The following ANGEL1 variants were observed in gnomAD, a reference collection of about 807,000 sequenced individuals.
The protein encoded by ANGEL1 is RNA 2',3'-cyclic phosphatase ANGEL1.
Under a neutral mutation model 76.4 loss-of-function variants are expected in ANGEL1, and 62 were observed. That is an observed-to-expected ratio of 0.81 (90% confidence interval 0.66 to 1.00). ANGEL1 has a LOEUF of 1.00. ANGEL1 is among the 50% of genes least tolerant of loss of function. The pLI is 0.00. For synonymous variants in ANGEL1, 340 were observed against 331.7 expected (o/e 1.03, Z -0.27); for missense variants, 737 against 836.7 (o/e 0.88, Z 1.47).
Position 76,789,055 on chromosome 14 carries a change from A to G in ANGEL1, c.*173T>C. On this transcript the variant is annotated 3_prime_UTR_variant, in exon 10 of 10. Transcript: ENST00000251089. ...GGGGTGGGGCAAGGACCACAGGCAGAGAACGCAGCCAGGCCTGGAGAAAGT... is the reference window on the plus strand; with the variant it reads ...GGGGTGGGGCAAGGACCACAGGCAGGGAACGCAGCCAGGCCTGGAGAAAGT... 1 of 862,982 alleles carries G rather than the reference A, an allele frequency of 1.2e-6. No homozygotes were observed. The highest frequency in any genetic ancestry group is 1.8e-6 in the Non-Finnish European group (1 of 562,452). The allele number at this position is 862,982 out of a possible 1,614,324, so 53.5% of individuals were successfully genotyped here.
intron 5 of ANGEL1, chr14:76,804,248 CT>C (rs1344861877): frequency 5.9e-6 from 8 of 1,365,564 alleles, no homozygotes; most frequent in Non-Finnish European, 7.5e-6. Flanking sequence ...CTCTCAGGGG[CT>C]TTAAGTTGCA....
chr14:76,810,726 G>T (rs995935268), intron 1 of ANGEL1, among the ~76,000 whole-genome samples: 8 of 152,280 alleles, frequency 5.3e-5, no homozygotes, highest in Non-Finnish European at 1.2e-4. Flanking sequence ...TCGACAGTAA[G>T]AGACAGCTGA....
In ANGEL1 at chr14:76,803,873, T is replaced by C; in HGVS notation, c.1420A>G (p.Arg474Gly). 1 of 1,614,180 alleles carries C rather than the reference T, an allele frequency of 6.2e-7. No individual in the cohort carries two copies. Among genetic ancestry groups the C allele is most frequent in the Non-Finnish European group, 8.5e-7 (1 of 1,180,032 alleles). The change falls in exon 6 of 10, where the codon AGG becomes GGG. Residue 474 changes from arginine to glycine, a missense_variant. Physicochemically the swap from Arg to Gly is moderately radical, Grantham distance 125. This residue lies in a region of ANGEL1 where 296 missense variants were observed against 387.2 expected (regional missense o/e 0.76). Coordinates refer to ENST00000251089, the MANE Select transcript of ANGEL1 (RefSeq NM_015305.4). The part of the protein sequence containing the change: ...QEDFSHQLYQ[R>G]KLQAPLWPSS... ...GGCCACAGTGGGGCCTGCAGCTTCC[T>C]CTGGTAAAGCTGATGGGAGAAGTCT...
chr14:76,800,080 C>G (rs1415356621), intron 7 of ANGEL1, among the ~76,000 whole-genome samples: 1 of 152,180 alleles, frequency 6.6e-6, no homozygotes, highest in Non-Finnish European at 1.5e-5. Flanking sequence ...GGTGAACTGG[C>G]TACTTTGCCC....
Position 76,800,384 on chromosome 14 carries a change from C to T in ANGEL1, c.1618+2987G>A, listed in dbSNP as rs566685846. 3.4e-3 allele frequency among the ~76,000 whole-genome samples: 524 copies of T among 152,336 alleles called. 5 individuals carry two copies. The highest frequency in any genetic ancestry group is 0.012 in the African/African-American group (479 of 41,584). ...GTGGCCATCATTGTTATCACTATTGCTACTGCCATAGCTGTAATAATACTT... is the reference window on the plus strand; with the variant it reads ...GTGGCCATCATTGTTATCACTATTGTTACTGCCATAGCTGTAATAATACTT... On this transcript the variant is annotated intron_variant, in intron 7 of 9. Transcript: ENST00000251089.
rs1192286833 is a variant in ANGEL1, at chr14:76,789,345, A to G, written c.1896T>C (p.Arg632=). ...GTATCTCTTCAGAGAGAAGGGAGAG[A>G]CGACCCAGGAGCTTGAGAGTTCCAT... ...YRDGTLKLLG[R]LSLLSEEILW... Residue 632 remains arginine (R), a synonymous_variant, in exon 10 of 10, where the codon CGT becomes CGC. Coordinates refer to ENST00000251089, the MANE Select transcript of ANGEL1 (RefSeq NM_015305.4). 2.5e-6 allele frequency: 4 copies of G among 1,614,190 alleles called. No individual in the cohort carries two copies. In the Admixed American group the frequency reaches 6.7e-5, roughly 27 times the overall value.
rs758007160 is a variant in ANGEL1, at chr14:76,803,450, T to C, written c.1539A>G (p.Leu513=). 3.1e-6 allele frequency: 5 copies of C among 1,614,186 alleles called. No individual in the cohort carries two copies. In the South Asian group the frequency reaches 4.4e-5, roughly 14 times the overall value. Residue 513 remains leucine (L), a synonymous_variant, in exon 7 of 10, where the codon CTA becomes CTG. Transcript: ENST00000251089. ...AAGCGATGCTGCAGAAGCGGAAACG[T>C]AGCAGGAAGTCTCGGCCATACTTGC... is the stretch of plus-strand genomic sequence containing the variant. ...ERRKYGRDFL[L]RFRFCSIACQ...
At chr14:76,796,057 TTAATA>T (rs1170663481) in intron 7 of ANGEL1, among the ~76,000 whole-genome samples, 2 of 152,092 alleles carry the variant, frequency 1.3e-5, no homozygotes, top group Non-Finnish European at 2.9e-5. Context: ...TTCATATCTA[TTAATA>T]TAACTCTATG....
At chr14:76,808,968 C>T (rs1895002797) in intron 2 of ANGEL1, 91 bp downstream of exon 2, 1 of 1,247,960 alleles carries the variant, frequency 8.0e-7, no homozygotes, top group African/African-American at 1.5e-5. Flanking sequence ...TGGCAGAGCT[C>T]CCTACCATAG....
intron 7 of ANGEL1, among the ~76,000 whole-genome samples, chr14:76,800,779 C>G (rs1055020630): frequency 2.6e-5 from 4 of 151,936 alleles, no homozygotes; most frequent in Non-Finnish European, 1.5e-5. Context: ...GAGACCAGCC[C>G]GGCCAACATG....
intron 7 of ANGEL1, among the ~76,000 whole-genome samples, chr14:76,792,505 A>C (rs879777486): frequency 3.3e-5 from 5 of 152,222 alleles, no homozygotes; most frequent in Non-Finnish European, 7.3e-5. Flanking sequence ...AATATCAGCA[A>C]ACCAAATCCA....
Position 76,812,854 on chromosome 14 carries a change from T to G in ANGEL1, c.-27A>C, listed in dbSNP as rs933291333. On this transcript the variant is annotated 5_prime_UTR_variant, in exon 1 of 10. Coordinates refer to ENST00000251089, the MANE Select transcript of ANGEL1 (RefSeq NM_015305.4). Reference sequence around the variant, plus strand: ...GCCGGCCGCCCGCGCCCGCCTCCGCTCCTCACTGCAGCCAGCAGGTCCTCC... The same window carrying G: ...GCCGGCCGCCCGCGCCCGCCTCCGCGCCTCACTGCAGCCAGCAGGTCCTCC... 100 of 1,497,918 alleles carry G rather than the reference T, an allele frequency of 6.7e-5. No individual in the cohort carries two copies. Among genetic ancestry groups the G allele is most frequent in the Middle Eastern group, 1.8e-4 (1 of 5,710 alleles). The allele number at this position is 1,497,918 out of a possible 1,614,324, so 92.8% of individuals were successfully genotyped here.
At chr14:76,807,317 G>T in intron 4 of ANGEL1, 116 bp downstream of exon 4, 1 of 994,166 alleles carries the variant, frequency 1.0e-6, no homozygotes, top group Non-Finnish European at 1.5e-6. Context: ...GAAGGAGCTA[G>T]CTCACAGGTG....
chr14:76,806,049 T>C (rs1394895633), intron 5 of ANGEL1, among the ~76,000 whole-genome samples: 1 of 152,134 alleles, frequency 6.6e-6, no homozygotes, highest in Non-Finnish European at 1.5e-5. Flanking sequence ...GAAAACAAGC[T>C]AAAAGACTAC....
chr14:76,812,622 A>G, intron 1 of ANGEL1, 142 bp downstream of exon 1: 1 of 1,318,126 alleles, frequency 7.6e-7, no homozygotes. Context: ...GCAGGGGCTC[A>G]GGACCGCCTC....
At chr14:76,804,291 T>G (rs550282105) in intron 5 of ANGEL1, 879 of 1,234,808 alleles carry the variant, frequency 7.1e-4, no homozygotes, top group Admixed American at 1.6e-3. Context: ...TCTTTGGATC[T>G]TCTGGATCAA....
rs1894271379 is a variant in ANGEL1, at chr14:76,786,704, TAG to T, written c.*2522_*2523del. On this transcript the variant is annotated 3_prime_UTR_variant, in exon 10 of 10. Transcript: ENST00000251089. ...TGGAAGACAAAAGCACCAACAGAGG[TAG>T]GCCTAGGAAGGAAGAGACATTTTTC... is the stretch of plus-strand genomic sequence containing the variant. The T allele has an allele frequency of 1.3e-5, 2 of 151,874 alleles. No individual in the cohort carries two copies. The highest frequency in any genetic ancestry group is 3.9e-4 in the East Asian group (2 of 5,182). 9.4% of individuals were successfully genotyped at this position (151,874 alleles called of 1,614,324 possible).
chr14:76,808,206 C>T, intron 2 of ANGEL1, 58 bp from the exon 3 acceptor site: 2 of 1,424,670 alleles, frequency 1.4e-6, no homozygotes, highest in Non-Finnish European at 2.0e-6. Context: ...GAGGTGCTGC[C>T]ATCTCCACTC....
In ANGEL1 at chr14:76,788,271, CCAG is replaced by C. The variant is rs1894302519; in HGVS notation, c.*954_*956del. On this transcript the variant is annotated 3_prime_UTR_variant, in exon 10 of 10. Coordinates refer to ENST00000251089, the MANE Select transcript of ANGEL1 (RefSeq NM_015305.4). Reference sequence around the variant, plus strand: ...CCCTACTGGAACTCCTACCCTTGCCCCAGTTCTGCAGGCTGCAGAGTCCAGTGA... The same window carrying C: ...CCCTACTGGAACTCCTACCCTTGCCCTTCTGCAGGCTGCAGAGTCCAGTGA... The C allele has an allele frequency of 6.6e-6, 1 of 152,346 alleles. No homozygotes were observed. The highest frequency in any genetic ancestry group is 2.4e-5 in the African/African-American group (1 of 41,470). The allele number at this position is 152,346 out of a possible 1,614,324, so 9.4% of individuals were successfully genotyped here. A position where few individuals can be genotyped will look rare whatever the true frequency, so the allele number is the denominator to read the frequency against.
Sources: allele counts gnomAD v4.1 joint callset (sites outside exome capture counted in the v4.1 genomes callset), GRCh38; gene constraint gnomAD v4.1.1; regional missense constraint gnomAD v4.1.1; transcripts MANE v1.5; gene names NCBI Gene and HGNC (gene_info 2026-07-23, HGNC 2026-07-21).